SENP8: variants seen among roughly 807,000 people sequenced by gnomAD.
SENP8 encodes the protein SUMO peptidase family member, NEDD8 specific, also known as sentrin-specific protease 8.
SENP8 carries 10 observed loss-of-function variants against 14.4 expected under a neutral mutation model. The observed-to-expected ratio is 0.69, with a 90% CI of 0.43 to 1.18. The LOEUF (loss-of-function observed/expected upper bound fraction) is 1.18, where lower values mean the gene tolerates loss of function less well. Among genes scored for constraint, SENP8 ranks in the 50% most tolerant of loss-of-function variants. The pLI is 0.00. For missense variants in SENP8, 202 were observed against 249.4 expected (o/e 0.81, Z 1.28); for synonymous variants, 94 against 95.5 (o/e 0.98, Z 0.09).
upstream of SENP8, among the ~76,000 whole-genome samples, chr15:72,116,046 G>A (rs2080962435): frequency 6.6e-6 from 1 of 152,132 alleles, no homozygotes; most frequent in South Asian, 2.1e-4. Flanking sequence ...TGTAAAGTAT[G>A]CAACCATTTG....
intron 1 of SENP8, among the ~76,000 whole-genome samples, chr15:72,118,765 A>G (rs1410988337): frequency 2.0e-5 from 3 of 152,126 alleles, no homozygotes; most frequent in Admixed American, 1.3e-4. Flanking sequence ...GTGCTTTTGT[A>G]TAGGAGACCG....
At chr15:72,120,014 GTCCCCAAAAT>G (rs2081147691) in intron 1 of SENP8, among the ~76,000 whole-genome samples, 1 of 152,062 alleles carries the variant, frequency 6.6e-6, no homozygotes, top group African/African-American at 2.4e-5. Context: ...CCCCACTTCT[GTCCCCAAAAT>G]GATCAGAGCT....
upstream of SENP8, among the ~76,000 whole-genome samples, chr15:72,115,002 T>C (rs754964111): frequency 2.6e-5 from 4 of 152,154 alleles, no homozygotes; most frequent in Non-Finnish European, 5.9e-5. Flanking sequence ...CTAACTTCTA[T>C]TGAGGTACTT....
rs2081379725 is a variant in SENP8, at chr15:72,141,457, C to G, written c.*1195C>G. ...TTAGGTACACAAATTAATTCTATTC[C>G]TAATGAGAATTAGATTGCAAGGCCT... On this transcript the variant is annotated 3_prime_UTR_variant, in exon 2 of 2. Transcript: ENST00000340912. The G allele has an allele frequency of 1.3e-5, 2 of 151,984 alleles. No homozygotes were observed. Among genetic ancestry groups the G allele is most frequent in the Admixed American group, 1.3e-4 (2 of 15,252 alleles). 9.4% of individuals were successfully genotyped at this position (151,984 alleles called of 1,614,324 possible).
chr15:72,117,863 G>A (rs556097599), upstream of SENP8: 29 of 398,466 alleles, frequency 7.3e-5, no homozygotes, highest in Middle Eastern at 2.5e-3. Context: ...CGCATCCCCC[G>A]CCCTGTCAGA....
intron 1 of SENP8, among the ~76,000 whole-genome samples, chr15:72,129,543 T>A (rs1357118984): frequency 3.3e-5 from 5 of 150,428 alleles, no homozygotes; most frequent in Admixed American, 6.6e-5. Context: ...TGTATTTTTT[T>A]TTTTTTTTTT....
At chr15:72,124,476 C>G (rs1341330450) in intron 1 of SENP8, among the ~76,000 whole-genome samples, 1 of 152,076 alleles carries the variant, frequency 6.6e-6, no homozygotes, top group Admixed American at 6.6e-5. Context: ...ATATTTTTGC[C>G]ATAAAAAGCA....
chr15:72,138,350 T>A (rs1057491657), intron 1 of SENP8, among the ~76,000 whole-genome samples: 41 of 77,590 alleles, frequency 5.3e-4, no homozygotes, highest in Non-Finnish European at 2.7e-5. Context: ...TAGGTATAAC[T>A]TTTTTTTTTT....
In SENP8 at chr15:72,127,271, TA is replaced by T. The variant is rs558427344; in HGVS notation, c.-48+8813del. 1.4e-4 allele frequency among the ~76,000 whole-genome samples: 22 copies of T among 152,166 alleles called. No individual in the cohort carries two copies. In the South Asian group the frequency reaches 4.6e-3, roughly 32 times the overall value. ...AATATGAACCAATAAACAAATAAAT[TA>T]AAAAACTATCACATAGTAATCAGTG... On this transcript the variant is annotated intron_variant, in intron 1 of 1. Coordinates refer to ENST00000340912, the MANE Select transcript of SENP8 (RefSeq NM_145204.4).
chr15:72,117,837 G>A (rs894134400), upstream of SENP8: 2 of 398,630 alleles, frequency 5.0e-6, no homozygotes, highest in Non-Finnish European at 8.9e-6. Flanking sequence ...CTCAGGGTCC[G>A]GGCGAGCGGC....
intron 1 of SENP8, among the ~76,000 whole-genome samples, chr15:72,126,844 A>G (rs907749118): frequency 1.3e-5 from 2 of 152,180 alleles, no homozygotes; most frequent in Non-Finnish European, 2.9e-5. Flanking sequence ...TAATCTACAT[A>G]TGATTTTTTT....
chr15:72,137,732 G>A (rs1416105937), intron 1 of SENP8, among the ~76,000 whole-genome samples: 1 of 152,154 alleles, frequency 6.6e-6, no homozygotes, highest in Non-Finnish European at 1.5e-5. Context: ...CAGCACTTTG[G>A]GTGGCTGAGG....
At chr15:72,133,844 C>T (rs374583006) in intron 1 of SENP8, among the ~76,000 whole-genome samples, 5 of 152,290 alleles carry the variant, frequency 3.3e-5, no homozygotes, top group African/African-American at 1.2e-4. Flanking sequence ...ACTCAGTAGA[C>T]CTTTGTTAAA....
rs1194470090 is a variant in SENP8, at chr15:72,136,527, T to G, written c.-47-3050T>G. 3.9e-5 allele frequency among the ~76,000 whole-genome samples: 6 copies of G among 152,084 alleles called. No individual in the cohort carries two copies. The East Asian group carries it at 1.2e-3, about 29-fold the overall frequency. On this transcript the variant is annotated intron_variant, in intron 1 of 1. Transcript: ENST00000340912. The stretch of plus-strand genomic sequence containing the variant: ...TAGCCTTATGTTGTTTCTCAAATAG[T>G]CAGATTATGACATACTGTGTCTACA...
intron 1 of SENP8, among the ~76,000 whole-genome samples, chr15:72,131,163 C>T (rs2081270246): frequency 6.6e-6 from 1 of 152,124 alleles, no homozygotes; most frequent in South Asian, 2.1e-4. Context: ...ATAATCACAC[C>T]ACTGCACTCC....
In SENP8 at chr15:72,142,963, A is replaced by T. The variant is rs1174480268; in HGVS notation, c.*2701A>T. On this transcript the variant is annotated 3_prime_UTR_variant, in exon 2 of 2. Coordinates refer to ENST00000340912, the MANE Select transcript of SENP8 (RefSeq NM_145204.4). ...TGTAATCCCAGGACTTTGGGAGGCC[A>T]AGGCAGGCAGATCACCTGAGGTCAG... The T allele has an allele frequency of 1.3e-5, 2 of 152,396 alleles. No individual in the cohort carries two copies. The highest frequency in any genetic ancestry group is 4.8e-5 in the African/African-American group (2 of 41,452). The allele number at this position is 152,396 out of a possible 1,614,324, so 9.4% of individuals were successfully genotyped here. A position where few individuals can be genotyped will look rare whatever the true frequency, so the allele number is the denominator to read the frequency against.
chr15:72,117,427 G>GC (rs2081030774), upstream of SENP8, among the ~76,000 whole-genome samples: 1 of 152,098 alleles, frequency 6.6e-6, no homozygotes, highest in Non-Finnish European at 1.5e-5. Flanking sequence ...GGTCTGCTGG[G>GC]TTGGGGGGAC....
chr15:72,118,268 GC>G (rs1404216977), upstream of SENP8: 2 of 296,582 alleles, frequency 6.7e-6, no homozygotes, highest in Non-Finnish European at 1.2e-5. Context: ...CCTTTCCTAC[GC>G]CCCAGGCGGC....
intron 1 of SENP8, among the ~76,000 whole-genome samples, chr15:72,123,165 A>G (rs928340549): frequency 3.3e-5 from 5 of 152,334 alleles, no homozygotes; most frequent in African/African-American, 1.2e-4. Context: ...CTTAGAACAA[A>G]TGAGATTAAA....
Sources: gnomAD v4.1 joint callset for allele counts (sites outside exome capture counted in the v4.1 genomes callset) on GRCh38, gnomAD v4.1.1 for gene constraint, MANE v1.5 for transcripts, NCBI Gene and HGNC (gene_info 2026-07-23, HGNC 2026-07-21) for gene names.